MYO1E: variants seen among roughly 807,000 people sequenced by gnomAD.
The protein encoded by MYO1E is unconventional myosin-Ie.
MYO1E carries 68 observed loss-of-function variants against 151.1 expected under a neutral mutation model. The observed-to-expected ratio is 0.45, with a 90% CI of 0.37 to 0.55. MYO1E has a LOEUF of 0.55. Ranked by LOEUF, MYO1E falls within the 20% of genes least tolerant of loss-of-function variation. The probability of loss-of-function intolerance (pLI) is 0.00; values close to 1 mark genes in which losing one functional copy is unlikely to be tolerated. For missense variants in MYO1E, 1,363 were observed against 1,389.3 expected, an observed-to-expected ratio of 0.98 and a Z score of 0.30; for synonymous variants, 601 against 501.7, an observed-to-expected ratio of 1.20 and a Z score of -2.64.
At chr15:59,150,574 G>A (rs2079469572) in intron 26 of MYO1E, among the ~76,000 whole-genome samples, 3 of 152,178 alleles carry the variant, frequency 2.0e-5, no homozygotes, top group Admixed American at 1.3e-4. Context: ...TGCCTACTTT[G>A]AGGCATCAAA....
In MYO1E at chr15:59,227,508, C is replaced by T. The variant is rs2079999273; in HGVS notation, c.593G>A (p.Arg198Lys). The change falls in exon 7 of 28, where the codon AGG (arginine) becomes AAG (lysine). Residue 198 changes from arginine (R) to lysine (K), a missense_variant. Physicochemically the swap from Arg to Lys is conservative, Grantham distance 26. Transcript: ENST00000288235. ...KISNFLLEKSRVVMRNPGERS... is the reference protein window; with the variant it reads ...KISNFLLEKSKVVMRNPGERS... ...CTCTCCTGGGTTCCTCATCACCACCCTAGATTTTTCCAGAAGGAAGTTGGA... is the reference window on the plus strand; with the variant it reads ...CTCTCCTGGGTTCCTCATCACCACCTTAGATTTTTCCAGAAGGAAGTTGGA... 1.2e-6 allele frequency: 2 copies of T among 1,614,010 alleles called. No individual in the cohort carries two copies. The highest frequency in any genetic ancestry group is 1.3e-5 in the African/African-American group (1 of 74,894).
In MYO1E at chr15:59,347,805, A is replaced by G. The variant is rs184926385; in HGVS notation, c.3+24693T>C. The stretch of plus-strand genomic sequence containing the variant: ...TGGAAAAAATTATACCCCTCACACC[A>G]GAAAAGTAAATTTCGGGTGACATAA... On this transcript the variant is annotated intron_variant, in intron 1 of 27. Transcript: ENST00000288235. 1.1e-4 allele frequency among the ~76,000 whole-genome samples: 16 copies of G among 152,344 alleles called. No homozygotes were observed. In the East Asian group the frequency reaches 3.1e-3, roughly 29 times the overall value.
At chr15:59,215,142 A>G (rs149508347) in intron 10 of MYO1E, among the ~76,000 whole-genome samples, 1 of 152,304 alleles carries the variant, frequency 6.6e-6, no homozygotes, top group Non-Finnish European at 1.5e-5. Flanking sequence ...GACCCAACAC[A>G]ATATGCCAGG....
chr15:59,140,576 G>A (rs890617763), intron 26 of MYO1E, among the ~76,000 whole-genome samples: 1 of 152,248 alleles, frequency 6.6e-6, no homozygotes, highest in Non-Finnish European at 1.5e-5. Flanking sequence ...ACCTACAGGA[G>A]CAAGGAGGAA....
intron 16 of MYO1E, among the ~76,000 whole-genome samples, chr15:59,197,745 G>A (rs1223524135): frequency 6.6e-6 from 1 of 152,226 alleles, no homozygotes; most frequent in Non-Finnish European, 1.5e-5. Context: ...GAATTAACTG[G>A]TTGAGGTAGG....
intron 7 of MYO1E, 80 bp from the exon 8 acceptor site, chr15:59,224,903 T>A: frequency 3.8e-6 from 6 of 1,583,398 alleles, no homozygotes; most frequent in Non-Finnish European, 3.5e-6. Flanking sequence ...GCAGCCACCA[T>A]CCCTAAGGAC....
At chr15:59,225,465 C>G (rs1294535310) in intron 7 of MYO1E, among the ~76,000 whole-genome samples, 1 of 152,140 alleles carries the variant, frequency 6.6e-6, no homozygotes, top group East Asian at 1.9e-4. Context: ...GCTTCCCTGG[C>G]TTGGTGACAC....
intron 1 of MYO1E, among the ~76,000 whole-genome samples, chr15:59,371,682 T>C (rs1405374002): frequency 6.6e-6 from 1 of 152,078 alleles, no homozygotes; most frequent in Non-Finnish European, 1.5e-5. Flanking sequence ...CGCGAGGGCG[T>C]CTTCCCGTGC....
chr15:59,252,648 G>T (rs942899392), intron 4 of MYO1E, among the ~76,000 whole-genome samples: 4 of 151,984 alleles, frequency 2.6e-5, no homozygotes, highest in Non-Finnish European at 5.9e-5. Flanking sequence ...CCAGGAGGCG[G>T]AGGTTGCAAT....
At chr15:59,158,264 A>C in intron 25 of MYO1E, 23 bp downstream of exon 25, 1 of 1,523,528 alleles carries the variant, frequency 6.6e-7, no homozygotes, top group Non-Finnish European at 8.9e-7. Context: ...GTGGTCCCAG[A>C]CTACGGTACG....
In MYO1E at chr15:59,224,823, G is replaced by C; in HGVS notation, c.643C>G (p.Leu215Val). The C allele has an allele frequency of 6.2e-7, 1 of 1,614,216 alleles. No homozygotes were observed. The highest frequency in any genetic ancestry group is 8.5e-7 in the Non-Finnish European group (1 of 1,180,036). ...TGCTCTGCAGAGGCGCCCTCGATGA[G>C]CTGGAGCAAGAGAACACAGGTTGAG... The part of the protein sequence containing the change: ...GERSFHIFYQ[L>V]IEGASAEQKH... The change falls in exon 8 of 28, where the codon CTC becomes GTC. Residue 215 changes from leucine to valine, a missense_variant and splice_region_variant. Physicochemically the swap from Leu to Val is conservative, Grantham distance 32. Coordinates refer to ENST00000288235, the MANE Select transcript of MYO1E (RefSeq NM_004998.4).
intron 1 of MYO1E, among the ~76,000 whole-genome samples, chr15:59,333,424 G>A (rs2080709849): frequency 6.6e-6 from 1 of 152,038 alleles, no homozygotes; most frequent in South Asian, 2.1e-4. Flanking sequence ...TGTATTTTTT[G>A]TAGAGATGGA....
In MYO1E at chr15:59,372,483, G is replaced by C. The variant is rs745662742; in HGVS notation, c.3+15C>G. On this transcript the variant is annotated intron_variant, in intron 1 of 27. Coordinates refer to ENST00000288235, the MANE Select transcript of MYO1E (RefSeq NM_004998.4). ...CCCGGGTCCGGCGTCCTAGGACGCG[G>C]CGCGGCCAACTCACCATGGTGACTC... 3 of 1,538,900 alleles carry C rather than the reference G, an allele frequency of 1.9e-6. No homozygotes were observed. The highest frequency in any genetic ancestry group is 2.4e-5 in the South Asian group (2 of 83,708).
intron 18 of MYO1E, among the ~76,000 whole-genome samples, chr15:59,182,540 T>C (rs1360399099): frequency 2.6e-5 from 4 of 152,124 alleles, no homozygotes; most frequent in Non-Finnish European, 5.9e-5. Flanking sequence ...AAGAAAAGTA[T>C]GACAACAATA....
chr15:59,248,710 AGCAGAGAT>A (rs1428055174), intron 4 of MYO1E, among the ~76,000 whole-genome samples: 12 of 152,116 alleles, frequency 7.9e-5, no homozygotes, highest in African/African-American at 2.9e-4. Context: ...GAAAGTAAAC[AGCAGAGAT>A]GGGGGGTTTT....
chr15:59,138,421 C>T (rs533411462), intron 26 of MYO1E, 54 bp from the exon 27 acceptor site: 122 of 1,598,858 alleles, frequency 7.6e-5, no homozygotes, highest in African/African-American at 2.0e-4. Context: ...GCAGCAGCAC[C>T]GAACGGTGGT....
At chr15:59,157,473 A>C (rs2079515470) in intron 25 of MYO1E, among the ~76,000 whole-genome samples, 1 of 152,130 alleles carries the variant, frequency 6.6e-6, no homozygotes. Flanking sequence ...TGGAAATATT[A>C]AATTAAAGTT....
chr15:59,145,331 T>C (rs1171225394), intron 26 of MYO1E, among the ~76,000 whole-genome samples: 1 of 152,250 alleles, frequency 6.6e-6, no homozygotes, highest in Non-Finnish European at 1.5e-5. Flanking sequence ...CGAGAGCTGA[T>C]AGAACTTTCA....
intron 15 of MYO1E, among the ~76,000 whole-genome samples, chr15:59,203,279 T>A (rs148127616): frequency 6.6e-6 from 1 of 151,416 alleles, no homozygotes; most frequent in African/African-American, 2.4e-5. Flanking sequence ...AGTAGCACAC[T>A]GTTCCCAGCT....
Sources: allele counts gnomAD v4.1 joint callset (sites outside exome capture counted in the v4.1 genomes callset), GRCh38; gene constraint gnomAD v4.1.1; transcripts MANE v1.5; gene names NCBI Gene and HGNC (gene_info 2026-07-23, HGNC 2026-07-21).